Variants in CBFA2T3 observed in about 807,000 individuals in gnomAD.
CBFA2T3 encodes the protein transcriptional corepressor CBFA2T3.
In CBFA2T3, 31 loss-of-function variants were observed where a neutral mutation model predicts 58.6. The observed-to-expected ratio is 0.53, with a 90% CI of 0.40 to 0.71. CBFA2T3 has a LOEUF of 0.71. CBFA2T3 is among the 30% of genes least tolerant of loss of function. CBFA2T3 has a pLI of 0.00. For missense variants in CBFA2T3, 1,076 were observed against 963.1 expected (o/e 1.12, Z -1.55); for synonymous variants, 531 against 421.9 (o/e 1.26, Z -3.17).
chr16:88,936,566 G>A (rs1340875716), intron 1 of CBFA2T3, among the ~76,000 whole-genome samples: 1 of 152,196 alleles, frequency 6.6e-6, no homozygotes, highest in East Asian at 1.9e-4. Flanking sequence ...GAGCTGCCCA[G>A]ACCCGACGGG....
intron 5 of CBFA2T3, chr16:88,887,104 AG>A (rs1159151693): frequency 5.3e-5 from 8 of 152,248 alleles, no homozygotes; most frequent in African/African-American, 1.9e-4. Flanking sequence ...AGCGGTTCTA[AG>A]CATTTGTAAA....
intron 2 of CBFA2T3, among the ~76,000 whole-genome samples, chr16:88,899,836 C>T (rs1286901656): frequency 6.6e-6 from 1 of 152,178 alleles, no homozygotes; most frequent in Non-Finnish European, 1.5e-5. Context: ...TGAGCGTTTC[C>T]TCCCCCGGGG....
intron 11 of CBFA2T3, among the ~76,000 whole-genome samples, chr16:88,879,063 G>A (rs1411574068): frequency 3.3e-5 from 5 of 152,172 alleles, no homozygotes; most frequent in South Asian, 2.1e-4. Flanking sequence ...ACTACAGAAC[G>A]GGGACATCCA....
At chr16:88,912,764 G>T (rs1408547708) in intron 1 of CBFA2T3, among the ~76,000 whole-genome samples, 1 of 152,258 alleles carries the variant, frequency 6.6e-6, no homozygotes, top group East Asian at 1.9e-4. Flanking sequence ...TCCTCTGCAG[G>T]TTCAACGGGG....
rs537580986 is a variant in CBFA2T3, at chr16:88,895,444, A to G, written c.379+2634T>C. Among the ~76,000 whole-genome samples the G allele has an allele frequency of 3.5e-4, 53 of 152,266 alleles. 1 individual carries two copies. Among genetic ancestry groups the G allele is most frequent in the African/African-American group, 1.3e-3 (52 of 41,550 alleles). On this transcript the variant is annotated intron_variant, in intron 3 of 11. Transcript: ENST00000268679. ...TGCACACAGGCTGCGCGGTTATCAC[A>G]CACATCCCATGCGGCAAATGGGCTC...
chr16:88,892,250 G>T lies in CBFA2T3; in HGVS notation c.615C>A (p.Gly205=). The T allele has an allele frequency of 6.2e-7, 1 of 1,608,518 alleles. No individual in the cohort carries two copies. Among genetic ancestry groups the T allele is most frequent in the Non-Finnish European group, 8.5e-7 (1 of 1,178,882 alleles). Residue 205 remains glycine, a synonymous_variant, in exon 4 of 12, where the codon GGC becomes GGA. Coordinates refer to ENST00000268679, the MANE Select transcript of CBFA2T3 (RefSeq NM_005187.6). ...CTGTCCCTGCCCAACTCACCACCAG[G>T]CCCAGCACCAGTGTGCGCACGCGCT... ...IGERVRTLVL[G]LVNSTLTIEE...
chr16:88,882,839 C>T (rs1414556531), intron 7 of CBFA2T3, 78 bp from the exon 8 acceptor site: 3 of 984,360 alleles, frequency 3.0e-6, no homozygotes, highest in Non-Finnish European at 4.7e-6. Context: ...CCGCCCTCTG[C>T]TCCCAGGCCC....
intron 4 of CBFA2T3, 125 bp from the exon 5 acceptor site, chr16:88,892,096 G>A: frequency 7.4e-7 from 1 of 1,346,974 alleles, no homozygotes; most frequent in Non-Finnish European, 1.0e-6. Context: ...GCTGGGCACG[G>A]CCTGAGAGGG....
chr16:88,922,325 T>C (rs541424500), intron 1 of CBFA2T3, among the ~76,000 whole-genome samples: 1 of 152,368 alleles, frequency 6.6e-6, no homozygotes, highest in African/African-American at 2.4e-5. Context: ...GTAAAAGTCC[T>C]GTCCAGCAGC....
chr16:88,889,185 C>T (rs76967273), intron 5 of CBFA2T3, among the ~76,000 whole-genome samples: 5,814 of 151,418 alleles, frequency 0.038, 373 homozygotes, highest in African/African-American at 0.13. Flanking sequence ...GAACTGCAAA[C>T]GACGCCAGAT....
At chr16:88,940,935 G>T in intron 1 of CBFA2T3, 1 of 703,412 alleles carries the variant, frequency 1.4e-6, no homozygotes, top group Non-Finnish European at 1.7e-6. Flanking sequence ...CGCTCGGCGC[G>T]GCTGCGGCGC....
chr16:88,971,582 A>G (rs1415326703), intron 1 of CBFA2T3, among the ~76,000 whole-genome samples: 3 of 152,104 alleles, frequency 2.0e-5, no homozygotes, highest in Admixed American at 2.0e-4. Context: ...CTGGGGGTGG[A>G]CTTGGGGGTT....
Position 88,877,108 on chromosome 16 carries a change from C to T in CBFA2T3, c.1830G>A (p.Pro610=), listed in dbSNP as rs746623020. Residue 610 remains proline, a synonymous_variant, in exon 12 of 12, where the codon CCG becomes CCA. Transcript: ENST00000268679. ...TAVVADPVPG[P]PEAAHSLGPS... is the part of the protein sequence containing the mutation. ...GGCCCAGGCTGTGGGCGGCTTCGGG[C>T]GGTCCAGGCACCGGGTCGGCCACCA... 28 of 1,545,338 alleles carry T rather than the reference C, an allele frequency of 1.8e-5. No individual in the cohort carries two copies. The highest frequency in any genetic ancestry group is 1.2e-4 in the East Asian group (5 of 40,808).
Position 88,953,903 on chromosome 16 carries a change from A to C in CBFA2T3, c.151+22754T>G, listed in dbSNP as rs958918844. 6.6e-6 allele frequency among the ~76,000 whole-genome samples: 1 copy of C among 152,124 alleles called. No individual in the cohort carries two copies. Among genetic ancestry groups the C allele is most frequent in the Non-Finnish European group, 1.5e-5 (1 of 67,998 alleles). ...GCATTGGGCTGGTGAGGACAGGGAC[A>C]GAGATGCCCACAGAGCAGGTGGGCT... On this transcript the variant is annotated intron_variant, in intron 1 of 11. Transcript: ENST00000268679. This position sits in a 1 kb window ranked among gnomAD's most constrained non-coding sequence, Gnocchi z 4.9.
chr16:88,894,103 C>T (rs932503743), intron 3 of CBFA2T3, among the ~76,000 whole-genome samples: 7 of 152,176 alleles, frequency 4.6e-5, no homozygotes, highest in African/African-American at 1.7e-4. Context: ...GCCCTCAGAG[C>T]GAGCCCTCCA....
Position 88,895,365 on chromosome 16 carries a change from C to G in CBFA2T3, c.379+2713G>C, listed in dbSNP as rs139412992. 7.9e-3 allele frequency among the ~76,000 whole-genome samples: 1,204 copies of G among 152,256 alleles called. 9 individuals carry two copies. Among genetic ancestry groups the G allele is most frequent in the Middle Eastern group, 0.027 (8 of 294 alleles). On this transcript the variant is annotated intron_variant, in intron 3 of 11. Transcript: ENST00000268679. The stretch of plus-strand genomic sequence containing the variant: ...CCGACCCGTGGTCTAGTGGCACCTG[C>G]GAAGTGCGCCCGGGTCAGGAAGCTG...
intron 3 of CBFA2T3, among the ~76,000 whole-genome samples, chr16:88,895,109 C>T (rs972093866): frequency 9.2e-5 from 14 of 152,182 alleles, no homozygotes; most frequent in Non-Finnish European, 1.5e-4. Context: ...TTCTGGGCTG[C>T]GTCCCCACAG....
intron 1 of CBFA2T3, among the ~76,000 whole-genome samples, chr16:88,918,775 C>T (rs1034831306): frequency 6.6e-6 from 1 of 152,222 alleles, no homozygotes; most frequent in African/African-American, 2.4e-5. Context: ...GCCCGGCCTC[C>T]CACGGCAGGG....
At chr16:88,898,194 G>T (rs768852995) in intron 2 of CBFA2T3, 42 bp from the exon 3 acceptor site, 3 of 1,498,212 alleles carry the variant, frequency 2.0e-6, no homozygotes, top group African/African-American at 2.7e-5. Context: ...GGAGGGGCGT[G>T]GGCAGGAGAC....
Sources: allele counts gnomAD v4.1 joint callset (sites outside exome capture counted in the v4.1 genomes callset), GRCh38; gene constraint gnomAD v4.1.1; non-coding constraint Gnocchi (gnomAD v3.1); transcripts MANE v1.5; gene names NCBI Gene and HGNC (gene_info 2026-07-23, HGNC 2026-07-21).